The following HMGA2 variants were observed in gnomAD, a reference collection of about 807,000 sequenced individuals.
HMGA2 encodes high mobility group protein HMGI-C.
In HMGA2, 8 loss-of-function variants were observed where a neutral mutation model predicts 19.1. The ratio of observed to expected loss-of-function variants is 0.42; its 90% confidence interval spans 0.25 to 0.76. The LOEUF (loss-of-function observed/expected upper bound fraction) is 0.76. Among genes scored for constraint, HMGA2 ranks in the 30% least tolerant of loss-of-function variants. HMGA2 has a pLI of 0.28. For synonymous variants in HMGA2, 60 were observed against 48.8 expected (o/e 1.23, Z -0.96); for missense variants, 109 against 136.3 (o/e 0.80, Z 1.00).
intron 2 of HMGA2, among the ~76,000 whole-genome samples, chr12:65,833,511 T>C (rs1044322834): frequency 6.6e-6 from 1 of 151,868 alleles, no homozygotes; most frequent in Non-Finnish European, 1.5e-5. Context: ...GAACTTGTAA[T>C]AGCAAAAAAT....
intron 3 of HMGA2, among the ~76,000 whole-genome samples, chr12:65,853,122 G>A (rs1360151213): frequency 2.6e-5 from 4 of 152,174 alleles, no homozygotes; most frequent in Non-Finnish European, 4.4e-5. Context: ...GGGGAACTGG[G>A]AGTGTGGCAC....
intron 4 of HMGA2, chr12:65,953,498 A>G (rs1242261131): frequency 2.6e-5 from 4 of 152,236 alleles, no homozygotes; most frequent in African/African-American, 9.6e-5. Flanking sequence ...AAGAACAAAT[A>G]CATCATAGGT....
rs115844705 is a variant in HMGA2, at chr12:65,913,567, G to A, written c.250-37816G>A. The stretch of plus-strand genomic sequence containing the variant: ...TTTCAGTCATTTTTATCAAGCATGA[G>A]TTATAGAACTTCCTTTATCCTTTTC... On this transcript the variant is annotated intron_variant, in intron 3 of 4. Transcript: ENST00000403681. Among the ~76,000 whole-genome samples the A allele has an allele frequency of 3.0e-3, 455 of 152,272 alleles. 4 individuals carry two copies. Among genetic ancestry groups the A allele is most frequent in the African/African-American group, 9.6e-3 (400 of 41,550 alleles).
chr12:65,837,011 C>T (rs1001578190), intron 2 of HMGA2, among the ~76,000 whole-genome samples: 3 of 152,290 alleles, frequency 2.0e-5, no homozygotes, highest in South Asian at 2.1e-4. Flanking sequence ...CTGCCACTTA[C>T]CTGCTTTGTT....
chr12:65,905,618 A>G (rs1273545681), intron 3 of HMGA2, among the ~76,000 whole-genome samples: 1 of 152,232 alleles, frequency 6.6e-6, no homozygotes, highest in Non-Finnish European at 1.5e-5. Flanking sequence ...GAGAATAGCG[A>G]CACAGTGTGC....
Position 65,824,718 on chromosome 12 carries a change from T to TCTCTCTCC in HMGA2, c.-546_-545insCCTCTCTC. On this transcript the variant is annotated 5_prime_UTR_variant, in exon 1 of 5. Transcript: ENST00000403681. ...GCACTTTCAATCTCAATCTCTTCTC[T>TCTCTCTCC]CTCTCTCTCTCTCTCTCTCTCTCTC... 1 of 56,716 alleles carries TCTCTCTCC rather than the reference T, an allele frequency of 1.8e-5. No homozygotes were observed. The highest frequency in any genetic ancestry group is 4.7e-5 in the Non-Finnish European group (1 of 21,106). 3.5% of individuals were successfully genotyped at this position (56,716 alleles called of 1,614,324 possible). A position where few individuals can be genotyped will look rare whatever the true frequency, so the allele number is the denominator to read the frequency against.
chr12:65,893,291 C>T (rs1261019617), intron 3 of HMGA2, among the ~76,000 whole-genome samples: 1 of 152,166 alleles, frequency 6.6e-6, no homozygotes, highest in Non-Finnish European at 1.5e-5. Context: ...ACAGCTAAAA[C>T]CTAAGGCATT....
At chr12:65,923,183 A>C (rs1275240791) in intron 3 of HMGA2, among the ~76,000 whole-genome samples, 1 of 152,118 alleles carries the variant, frequency 6.6e-6, no homozygotes, top group African/African-American at 2.4e-5. Flanking sequence ...TCCTCCTGCT[A>C]ATTTAGTTGG....
chr12:65,956,224 T>C (rs1204819602), intron 4 of HMGA2: 2 of 152,226 alleles, frequency 1.3e-5, no homozygotes, highest in African/African-American at 4.8e-5. Flanking sequence ...TTCTTGCTTA[T>C]GCACTTTCAA....
intron 3 of HMGA2, among the ~76,000 whole-genome samples, chr12:65,875,345 C>T (rs1872932543): frequency 1.3e-5 from 2 of 152,080 alleles, no homozygotes; most frequent in African/African-American, 4.8e-5. Context: ...TTTATGACAA[C>T]TGTTAGTTTA....
chr12:65,865,586 A>G (rs1319003025), intron 3 of HMGA2, among the ~76,000 whole-genome samples: 1 of 151,992 alleles, frequency 6.6e-6, no homozygotes, highest in East Asian at 1.9e-4. Context: ...TCCAGTGTCA[A>G]GATGGGAAGG....
At chr12:65,898,253 G>C (rs1874218733) in intron 3 of HMGA2, among the ~76,000 whole-genome samples, 1 of 152,150 alleles carries the variant, frequency 6.6e-6, no homozygotes, top group Non-Finnish European at 1.5e-5. Flanking sequence ...AGTTTGAGGA[G>C]AGAAAGTCAT....
intron 3 of HMGA2, among the ~76,000 whole-genome samples, chr12:65,893,819 T>C (rs1874017803): frequency 6.6e-6 from 1 of 152,216 alleles, no homozygotes; most frequent in South Asian, 2.1e-4. Context: ...AAGGCAAAAC[T>C]GATATTTGAC....
intron 4 of HMGA2, among the ~76,000 whole-genome samples, chr12:65,961,784 A>C (rs1876759139): frequency 6.6e-6 from 1 of 151,710 alleles, no homozygotes; most frequent in Admixed American, 6.6e-5. Flanking sequence ...CATTCATGTG[A>C]ATGTGTGAGT....
intron 3 of HMGA2, among the ~76,000 whole-genome samples, chr12:65,923,636 A>G (rs986070755): frequency 2.0e-5 from 3 of 152,238 alleles, no homozygotes; most frequent in Admixed American, 6.5e-5. Flanking sequence ...ATGGTAGGAC[A>G]GCAACATAAG....
At chr12:65,842,918 C>T (rs1871065781) in intron 3 of HMGA2, 1 of 1,178,070 alleles carries the variant, frequency 8.5e-7, no homozygotes. Context: ...TTGTTAACCT[C>T]ATGTATAAAA....
At chr12:65,913,686 G>T (rs529140809) in intron 3 of HMGA2, among the ~76,000 whole-genome samples, 7 of 152,256 alleles carry the variant, frequency 4.6e-5, no homozygotes, top group African/African-American at 1.7e-4. Flanking sequence ...AATCTGGGCC[G>T]TGTTACTCAC....
chr12:65,847,811 G>A (rs1476131350), intron 3 of HMGA2, among the ~76,000 whole-genome samples: 2 of 152,190 alleles, frequency 1.3e-5, no homozygotes, highest in Non-Finnish European at 2.9e-5. Context: ...CCATAATGGT[G>A]CTTACTAAAT....
rs554801429 is a variant in HMGA2, at chr12:65,939,330, T to TAC, written c.250-12043_250-12042dup. Among the ~76,000 whole-genome samples the TAC allele has an allele frequency of 1.7e-3, 256 of 152,158 alleles. 1 individual carries two copies. The highest frequency in any genetic ancestry group is 5.5e-3 in the African/African-American group (228 of 41,522). On this transcript the variant is annotated intron_variant, in intron 3 of 4. Transcript: ENST00000403681. ...TGTAAATATGTATAAATATTATATG[T>TAC]ACACACACACATGCACACATACAAG... is the stretch of plus-strand genomic sequence containing the variant.
Sources: allele counts gnomAD v4.1 joint callset (sites outside exome capture counted in the v4.1 genomes callset), GRCh38; gene constraint gnomAD v4.1.1; transcripts MANE v1.5; gene names NCBI Gene and HGNC (gene_info 2026-07-23, HGNC 2026-07-21).